The following PLD2 variants were observed in gnomAD, a reference collection of about 807,000 sequenced individuals.
PLD2 encodes choline phosphatase 2.
In PLD2, 101 loss-of-function variants were observed where a neutral mutation model predicts 119.8. The ratio of observed to expected loss-of-function variants is 0.84; its 90% CI spans 0.72 to 0.99. The LOEUF (loss-of-function observed/expected upper bound fraction) is 0.99, where lower values mean the gene tolerates loss of function less well. Ranked by LOEUF, PLD2 falls within the 50% of genes least tolerant of loss-of-function variation. PLD2 has a pLI of 0.00. For missense variants in PLD2, 1,164 were observed against 1,226.8 expected, an observed-to-expected ratio of 0.95 and a Z score of 0.76; for synonymous variants, 494 against 482.8, an observed-to-expected ratio of 1.02 and a Z score of -0.30.
intron 10 of PLD2, among the ~76,000 whole-genome samples, chr17:4,811,304 T>C (rs1365585265): frequency 2.0e-5 from 3 of 146,904 alleles, no homozygotes; most frequent in Middle Eastern, 3.2e-3. Flanking sequence ...TTTCTTTTTT[T>C]TTTTTTTTTT....
At chr17:4,814,960 T>A (rs547805739) in intron 12 of PLD2, among the ~76,000 whole-genome samples, 2 of 152,246 alleles carry the variant, frequency 1.3e-5, no homozygotes, top group South Asian at 4.1e-4. Context: ...TACTTTATTG[T>A]GTTATCTGGG....
Position 4,822,887 on chromosome 17 carries a change from G to T in PLD2, c.*23G>T. ...TAGTTGAGGCCCCCGTCAGGGAGAG[G>T]TCACCAGCTGCTGTGCCCCACCACG... On this transcript the variant is annotated 3_prime_UTR_variant, in exon 25 of 25. Coordinates refer to ENST00000263088, the MANE Select transcript of PLD2 (RefSeq NM_002663.5). The T allele has an allele frequency of 1.5e-6, 2 of 1,352,122 alleles. No individual in the cohort carries two copies. The highest frequency in any genetic ancestry group is 2.1e-6 in the Non-Finnish European group (2 of 950,204). The allele number at this position is 1,352,122 out of a possible 1,614,324, so 83.8% of individuals were successfully genotyped here. A position where few individuals can be genotyped will look rare whatever the true frequency, so the allele number is the denominator to read the frequency against.
At position 4,807,615 on chromosome 17, in the gene PLD2, G is replaced by C. The variant is rs968392117; in HGVS notation, c.-1-157G>C. 1.7e-6 allele frequency: 1 copy of C among 572,170 alleles called. No individual in the cohort carries two copies. The highest frequency in any genetic ancestry group is 2.8e-5 in the East Asian group (1 of 35,390). 35.4% of individuals were successfully genotyped at this position (572,170 alleles called of 1,614,324 possible). On this transcript the variant is annotated intron_variant, in intron 1 of 24. Coordinates refer to ENST00000263088, the MANE Select transcript of PLD2 (RefSeq NM_002663.5). This position sits in a 1 kb window ranked among gnomAD's most constrained non-coding sequence, Gnocchi z 5.4. ...AGGGGATGGGGGCTCGAAGGGGTCG[G>C]TGGGGCGTTGCAAACTGGTCAGGCG...
intron 16 of PLD2, 41 bp from the exon 17 acceptor site, chr17:4,817,098 CAGGGCAG>C (rs1200491647): frequency 6.2e-7 from 1 of 1,602,588 alleles, no homozygotes; most frequent in Non-Finnish European, 8.6e-7. Flanking sequence ...GGGAGGGAGC[CAGGGCAG>C]ATTGGCACCT....
At chr17:4,809,414 G>C in intron 6 of PLD2, 51 bp downstream of exon 6, 1 of 1,612,306 alleles carries the variant, frequency 6.2e-7, no homozygotes, top group Non-Finnish European at 8.5e-7. Context: ...TCAGACCCTC[G>C]GGGAGGAGGG....
At position 4,809,882 on chromosome 17, in the gene PLD2, T is replaced by C; in HGVS notation, c.713T>C (p.Leu238Pro). Residue 238 changes from leucine to proline, a missense_variant, in exon 9 of 25, where the codon CTG (leucine) becomes CCG (proline). By Grantham distance (98) the Leu-to-Pro change is moderately conservative (BLOSUM62 -3). Transcript: ENST00000263088. ...QVCYRWSKRWLVVKDSFLLYM... is the reference protein window; with the variant it reads ...QVCYRWSKRWPVVKDSFLLYM... ...ACGGAGCCCTTCTGCTCTAGGTGGC[T>C]GGTGGTGAAGGACTCCTTCCTGCTG... is the stretch of plus-strand genomic sequence containing the variant. The C allele has an allele frequency of 1.2e-6, 2 of 1,614,178 alleles. No individual in the cohort carries two copies. Among genetic ancestry groups the C allele is most frequent in the Non-Finnish European group, 1.7e-6 (2 of 1,180,024 alleles).
chr17:4,815,673 C>G, intron 13 of PLD2, 87 bp downstream of exon 13: 1 of 1,592,398 alleles, frequency 6.3e-7, no homozygotes, highest in African/African-American at 1.3e-5. Context: ...CCCTGATGGT[C>G]TCATCTTTCC....
chr17:4,820,666 C>T (rs1210519605), intron 23 of PLD2, among the ~76,000 whole-genome samples: 2 of 149,328 alleles, frequency 1.3e-5, no homozygotes, highest in African/African-American at 4.9e-5. Context: ...GGCTCCGCCG[C>T]CCAGGGTTCA....
At chr17:4,818,180 C>A in intron 18 of PLD2, 74 bp downstream of exon 18, 1 of 1,413,300 alleles carries the variant, frequency 7.1e-7, no homozygotes, top group South Asian at 1.2e-5. Flanking sequence ...TGAGTGGAGT[C>A]AGTCATTGAG....
chr17:4,817,332 T>C, intron 17 of PLD2, 73 bp downstream of exon 17: 1 of 957,756 alleles, frequency 1.0e-6, no homozygotes, highest in Admixed American at 1.7e-5. Context: ...CTCTCCCTGG[T>C]GTGAGAGCTG....
At position 4,819,389 on chromosome 17, in the gene PLD2, C is replaced by T. The variant is rs1446131222; in HGVS notation, c.2309-40C>T. 1 of 1,610,190 alleles carries T rather than the reference C, an allele frequency of 6.2e-7. No individual in the cohort carries two copies. Among genetic ancestry groups the T allele is most frequent in the Non-Finnish European group, 8.5e-7 (1 of 1,178,240 alleles). ...GGGGATGGGGTACTGGGGAGAGTGCCCTGGGCCCAAGCACACAGTGTGCCC... is the reference window on the plus strand; with the variant it reads ...GGGGATGGGGTACTGGGGAGAGTGCTCTGGGCCCAAGCACACAGTGTGCCC... On this transcript the variant is annotated intron_variant, in intron 22 of 24. Coordinates refer to ENST00000263088, the MANE Select transcript of PLD2 (RefSeq NM_002663.5). The surrounding 1 kb of genome is among the most constrained non-coding windows in gnomAD (Gnocchi z 4.2).
chr17:4,810,977 C>G (rs764699421), intron 10 of PLD2, 26 bp downstream of exon 10: 1 of 1,590,460 alleles, frequency 6.3e-7, no homozygotes, highest in Non-Finnish European at 8.5e-7. Flanking sequence ...CCCTTCTGAG[C>G]TTGTCTGTGG....
chr17:4,819,459 T>TGG lies in PLD2; in HGVS notation c.2342_2343dup (p.Lys782GlyfsTer10), dbSNP rs756581782. On this transcript the variant is annotated frameshift_variant, in exon 23 of 25. Transcript: ENST00000263088. LOFTEE classifies it high-confidence loss of function. This position sits in a 1 kb window ranked among gnomAD's most constrained non-coding sequence, Gnocchi z 4.2. Reference sequence around the variant, plus strand: ...GCAAACATCAATGACCGGAGCTTGCTGGGGAAGCGGGACAGTGAGCTGGCC... The same window carrying TGG: ...GCAAACATCAATGACCGGAGCTTGCTGGGGGGAAGCGGGACAGTGAGCTGGCC... 1.2e-6 allele frequency: 2 copies of TGG among 1,613,804 alleles called. No homozygotes were observed. Among genetic ancestry groups the TGG allele is most frequent in the African/African-American group, 1.3e-5 (1 of 74,906 alleles).
chr17:4,822,110 A>G (rs908511438), intron 24 of PLD2, among the ~76,000 whole-genome samples: 2 of 152,156 alleles, frequency 1.3e-5, no homozygotes, highest in African/African-American at 4.8e-5. Context: ...TGGGAGGCCA[A>G]GGCCCGGTGG....
chr17:4,821,030 G>A (rs920940041), intron 23 of PLD2, among the ~76,000 whole-genome samples: 1 of 151,544 alleles, frequency 6.6e-6, no homozygotes, highest in Admixed American at 6.6e-5. Flanking sequence ...AGCCTCCCGA[G>A]TAGCTGGGAT....
chr17:4,818,024 G>C lies in PLD2; in HGVS notation c.1838G>C (p.Trp613Ser), dbSNP rs779943149. The change falls in exon 18 of 25, where the codon TGG (tryptophan) becomes TCG (serine). Residue 613 changes from tryptophan (W) to serine (S), a missense_variant. Trp to Ser is a radical substitution (Grantham distance 177). Coordinates refer to ENST00000263088, the MANE Select transcript of PLD2 (RefSeq NM_002663.5). ...TAGGTCTTGCGATCAGTGGACCGCT[G>C]GTCAGCAGGGACTCTGGAGAACTCC... Reference protein sequence around the residue: ...TVQVLRSVDRWSAGTLENSIL... With the variant: ...TVQVLRSVDRSSAGTLENSIL... The C allele has an allele frequency of 8.1e-6, 13 of 1,613,500 alleles. No homozygotes were observed. The African/African-American group carries it at 1.5e-4, about 18-fold the overall frequency.
chr17:4,807,523 G>A lies in PLD2; in HGVS notation c.-1-249G>A. 1 of 358,574 alleles carries A rather than the reference G, an allele frequency of 2.8e-6. No individual in the cohort carries two copies. The allele number at this position is 358,574 out of a possible 1,614,324, so 22.2% of individuals were successfully genotyped here. On this transcript the variant is annotated intron_variant, in intron 1 of 24. Transcript: ENST00000263088. The surrounding 1 kb of genome is among the most constrained non-coding windows in gnomAD (Gnocchi z 5.4). ...CCGGGCCTGGCTGGGTGTTCCCCGG[G>A]GCTCTGGTTACGGGACGGGGCGGGG...
At chr17:4,813,461 A>G (rs1198926242) in intron 10 of PLD2, among the ~76,000 whole-genome samples, 1 of 152,252 alleles carries the variant, frequency 6.6e-6, no homozygotes, top group Non-Finnish European at 1.5e-5. Context: ...TCTTACAAAC[A>G]ATGTGATGAA....
Position 4,820,415 on chromosome 17 carries a change from C to A in PLD2, c.2462+833C>A, listed in dbSNP as rs182906579. Among the ~76,000 whole-genome samples, 6 of 148,664 alleles carry A rather than the reference C, an allele frequency of 4.0e-5. No individual in the cohort carries two copies. In the East Asian group the frequency reaches 8.0e-4, roughly 20 times the overall value. ...CCGGAGTAGCTGGGATTACAGGCGC[C>A]CACCACCACGCCCAGCTAATTTTTG... is the stretch of plus-strand genomic sequence containing the variant. On this transcript the variant is annotated intron_variant, in intron 23 of 24. Transcript: ENST00000263088.
Sources: allele counts gnomAD v4.1 joint callset (sites outside exome capture counted in the v4.1 genomes callset), GRCh38; gene constraint gnomAD v4.1.1; non-coding constraint Gnocchi (gnomAD v3.1); transcripts MANE v1.5; gene names NCBI Gene and HGNC (gene_info 2026-07-23, HGNC 2026-07-21).